Variants in STAT1 observed in about 807,000 individuals in gnomAD.
The protein encoded by STAT1 is signal transducer and activator of transcription 1, also known as signal transducer and activator of transcription 1-alpha/beta.
STAT1 carries 24 observed loss-of-function variants against 111.7 expected under a neutral mutation model. The observed-to-expected ratio is 0.21, with a 90% CI of 0.16 to 0.30. The LOEUF (loss-of-function observed/expected upper bound fraction) is 0.30. STAT1 is among the 10% of genes least tolerant of loss of function. The pLI, the probability that STAT1 is intolerant of heterozygous loss-of-function variation, is 1.00. For missense variants in STAT1, 351 were observed against 911.9 expected (o/e 0.38, Z 7.92); for synonymous variants, 332 against 326.5 (o/e 1.02, Z -0.18).
In STAT1 at chr2:190,997,236, C is replaced by T. The variant is rs867228808; in HGVS notation, c.785+620G>A. On this transcript the variant is annotated intron_variant, in intron 9 of 24. Coordinates refer to ENST00000361099, the MANE Select transcript of STAT1 (RefSeq NM_007315.4). This position sits in a 1 kb window ranked among gnomAD's most constrained non-coding sequence, Gnocchi z 7.3. ...AATCCTAGTGACTTTTGAGTCAGCA[C>T]AAGGCCACTTCCTCTATGAAACCTT... 6.6e-6 allele frequency among the ~76,000 whole-genome samples: 1 copy of T among 152,372 alleles called. No individual in the cohort carries two copies. Among genetic ancestry groups the T allele is most frequent in the Middle Eastern group, 3.4e-3 (1 of 294 alleles).
chr2:190,974,387 G>A lies in STAT1; in HGVS notation c.2238+443C>T, dbSNP rs1356471516. 6.6e-6 allele frequency among the ~76,000 whole-genome samples: 1 copy of A among 152,186 alleles called. No individual in the cohort carries two copies. The highest frequency in any genetic ancestry group is 2.4e-5 in the African/African-American group (1 of 41,434). On this transcript the variant is annotated intron_variant, in intron 24 of 24. Transcript: ENST00000361099. The surrounding 1 kb of genome is among the most constrained non-coding windows in gnomAD (Gnocchi z 4.8). ...ATAAGGCAGATGAAGTAATCTCATT[G>A]CTGCTAAAGTATAATTCTCTCTAAT...
At chr2:191,009,259 T>C (rs1694945644) in intron 3 of STAT1, 152 bp from the exon 4 acceptor site, 3 of 1,007,094 alleles carry the variant, frequency 3.0e-6, no homozygotes. Context: ...ACATTGCTTT[T>C]AGCAGCAGTT....
rs1694022041 is a variant in STAT1, at chr2:190,998,614, A to C, written c.542-306T>G. ...GAGGCGGAGCTTGGAGTGAGCCGAGATCTCGCCACTGCACTCTAGCCTGGG... is the reference window on the plus strand; with the variant it reads ...GAGGCGGAGCTTGGAGTGAGCCGAGCTCTCGCCACTGCACTCTAGCCTGGG... On this transcript the variant is annotated intron_variant, in intron 7 of 24. Transcript: ENST00000361099. The surrounding 1 kb of genome is among the most constrained non-coding windows in gnomAD (Gnocchi z 4.1). 6.6e-6 allele frequency among the ~76,000 whole-genome samples: 1 copy of C among 151,604 alleles called. No individual in the cohort carries two copies.
At chr2:191,009,569 C>T (rs986661264) in intron 3 of STAT1, among the ~76,000 whole-genome samples, 1 of 152,100 alleles carries the variant, frequency 6.6e-6, no homozygotes, top group Admixed American at 6.5e-5. Context: ...TAGTCTGGAT[C>T]CTAAGTTGGA....
At position 191,007,664 on chromosome 2, in the gene STAT1, A is replaced by G. The variant is rs777002134; in HGVS notation, c.274-3T>C. Reference sequence around the variant, plus strand: ...ATTGGGTCTTCCTGAAAATTATCCTAGATTTGAGTGGTTAGAACAAAAATA... The same window carrying G: ...ATTGGGTCTTCCTGAAAATTATCCTGGATTTGAGTGGTTAGAACAAAAATA... On this transcript the variant is annotated splice_region_variant and splice_polypyrimidine_tract_variant and intron_variant, in intron 4 of 24. Coordinates refer to ENST00000361099, the MANE Select transcript of STAT1 (RefSeq NM_007315.4). This position sits in a 1 kb window ranked among gnomAD's most constrained non-coding sequence, Gnocchi z 4.2. The G allele has an allele frequency of 1.9e-6, 3 of 1,598,778 alleles. No individual in the cohort carries two copies. The highest frequency in any genetic ancestry group is 2.6e-6 in the Non-Finnish European group (3 of 1,166,604).
Position 191,012,122 on chromosome 2 carries a change from C to T in STAT1, c.-2+1403G>A, listed in dbSNP as rs894683983. Among the ~76,000 whole-genome samples, 1 of 151,564 alleles carries T rather than the reference C, an allele frequency of 6.6e-6. No homozygotes were observed. Among genetic ancestry groups the T allele is most frequent in the Non-Finnish European group, 1.5e-5 (1 of 67,902 alleles). ...GGCACAGAAGAGGTGAATTAATAAG[C>T]TCATGTTTGGGCTGGCCAGGTGGCT... On this transcript the variant is annotated intron_variant, in intron 2 of 24. Coordinates refer to ENST00000361099, the MANE Select transcript of STAT1 (RefSeq NM_007315.4). The surrounding 1 kb of genome is among the most constrained non-coding windows in gnomAD (Gnocchi z 4.0).
At position 190,995,307 on chromosome 2, in the gene STAT1, C is replaced by G; in HGVS notation, c.786-88G>C. The G allele has an allele frequency of 1.6e-6, 2 of 1,277,960 alleles. No individual in the cohort carries two copies. Among genetic ancestry groups the G allele is most frequent in the Non-Finnish European group, 2.3e-6 (2 of 881,054 alleles). 79.2% of individuals were successfully genotyped at this position (1,277,960 alleles called of 1,614,324 possible). A position where few individuals can be genotyped will look rare whatever the true frequency, so the allele number is the denominator to read the frequency against. On this transcript the variant is annotated intron_variant, in intron 9 of 24. Transcript: ENST00000361099. The surrounding 1 kb of genome is among the most constrained non-coding windows in gnomAD (Gnocchi z 4.2). ...GGGAATCATGGTATATTAGTCCATT[C>G]TCATGCTGCTAATAAAGACATACTC...
chr2:190,976,847 T>C lies in STAT1; in HGVS notation c.2052A>G (p.Pro684=). Residue 684 remains proline (P), a synonymous_variant, in exon 22 of 25, where the codon CCA becomes CCG. Coordinates refer to ENST00000361099, the MANE Select transcript of STAT1 (RefSeq NM_007315.4). The surrounding 1 kb of genome is among the most constrained non-coding windows in gnomAD (Gnocchi z 6.0). ...CCTGCTTGCCCCACTTACCTTCCTT[T>C]GGCCTGGAGTAATACTTTCCAAAGG... ...DHAFGKYYSR[P]KEAPEPMELD... 6.2e-7 allele frequency: 1 copy of C among 1,614,154 alleles called. No individual in the cohort carries two copies. The highest frequency in any genetic ancestry group is 2.2e-5 in the East Asian group (1 of 44,884).
rs746665506 is a variant in STAT1 at position 190,999,724 on chromosome 2, C to T, written c.463-20G>A. The T allele has an allele frequency of 3.8e-6, 6 of 1,582,800 alleles. No homozygotes were observed. Among genetic ancestry groups the T allele is most frequent in the African/African-American group, 1.3e-5 (1 of 74,236 alleles). ...TATACACTACAAACAAAGATGTAAA[C>T]ATGTTTTCTACTGATCAGCAACTTC... On this transcript the variant is annotated intron_variant, in intron 6 of 24. Coordinates refer to ENST00000361099, the MANE Select transcript of STAT1 (RefSeq NM_007315.4). This position sits in a 1 kb window ranked among gnomAD's most constrained non-coding sequence, Gnocchi z 4.1.
chr2:190,998,443 T>C lies in STAT1; in HGVS notation c.542-135A>G. The C allele has an allele frequency of 4.1e-6, 3 of 734,142 alleles. No homozygotes were observed. In the South Asian group the frequency reaches 4.5e-5, roughly 11 times the overall value. The allele number at this position is 734,142 out of a possible 1,614,324, so 45.5% of individuals were successfully genotyped here. The stretch of plus-strand genomic sequence containing the variant: ...TCAAAGTTTGGCTTTCTTCGATCTT[T>C]AATGAACATGAAAAAAAGTCCTAAG... On this transcript the variant is annotated intron_variant, in intron 7 of 24. Coordinates refer to ENST00000361099, the MANE Select transcript of STAT1 (RefSeq NM_007315.4). The surrounding 1 kb of genome is among the most constrained non-coding windows in gnomAD (Gnocchi z 4.1).
chr2:190,979,949 G>A lies in STAT1; in HGVS notation c.1633-83C>T, dbSNP rs1692233489. The stretch of plus-strand genomic sequence containing the variant: ...GGCCCCTCCCACCATCATTTGCAAA[G>A]ACTCCCCAGGTGCCAAGGATGGAAC... On this transcript the variant is annotated intron_variant, in intron 19 of 24. Coordinates refer to ENST00000361099, the MANE Select transcript of STAT1 (RefSeq NM_007315.4). The surrounding 1 kb of genome is among the most constrained non-coding windows in gnomAD (Gnocchi z 5.8). The A allele has an allele frequency of 1.1e-6, 1 of 902,044 alleles. No homozygotes were observed. Among genetic ancestry groups the A allele is most frequent in the African/African-American group, 1.6e-5 (1 of 60,910 alleles). The allele number at this position is 902,044 out of a possible 1,614,324, so 55.9% of individuals were successfully genotyped here.
Position 190,975,584 on chromosome 2 carries a change from TTGGG to T in STAT1, c.2135+224_2135+227del. ...TATACTTTTTCAAAGGGTATCAGTT[TTGGG>T]AAAATTTATATACCTTAAATACAAA... On this transcript the variant is annotated intron_variant, in intron 23 of 24. Transcript: ENST00000361099. This position sits in a 1 kb window ranked among gnomAD's most constrained non-coding sequence, Gnocchi z 5.9. 1 of 1,416,796 alleles carries T rather than the reference TTGGG, an allele frequency of 7.1e-7. No individual in the cohort carries two copies. The highest frequency in any genetic ancestry group is 9.2e-7 in the Non-Finnish European group (1 of 1,083,458). The allele number at this position is 1,416,796 out of a possible 1,614,324, so 87.8% of individuals were successfully genotyped here.
Position 191,007,726 on chromosome 2 carries a change from T to C in STAT1, c.274-65A>G, listed in dbSNP as rs906301171. The C allele has an allele frequency of 5.9e-6, 7 of 1,179,340 alleles. No individual in the cohort carries two copies. In the African/African-American group the frequency reaches 1.1e-4, roughly 18 times the overall value. 73.1% of individuals were successfully genotyped at this position (1,179,340 alleles called of 1,614,324 possible). ...AGAATGTTTACTTTATTGTGTATTG[T>C]AAGTTGATATGAATTTGTTTATATT... is the stretch of plus-strand genomic sequence containing the variant. On this transcript the variant is annotated intron_variant, in intron 4 of 24. Coordinates refer to ENST00000361099, the MANE Select transcript of STAT1 (RefSeq NM_007315.4). This position sits in a 1 kb window ranked among gnomAD's most constrained non-coding sequence, Gnocchi z 4.2.
rs1694006102 is a variant in STAT1 at position 190,998,375 on chromosome 2, T to C, written c.542-67A>G. Reference sequence around the variant, plus strand: ...AAACCAACAAAAGCCAAGATTCATATAAATTTAGGATAAATATGACACAAA... The same window carrying C: ...AAACCAACAAAAGCCAAGATTCATACAAATTTAGGATAAATATGACACAAA... On this transcript the variant is annotated intron_variant, in intron 7 of 24. Coordinates refer to ENST00000361099, the MANE Select transcript of STAT1 (RefSeq NM_007315.4). The surrounding 1 kb of genome is among the most constrained non-coding windows in gnomAD (Gnocchi z 4.1). 2.3e-6 allele frequency: 3 copies of C among 1,298,276 alleles called. No individual in the cohort carries two copies. Among genetic ancestry groups the C allele is most frequent in the Non-Finnish European group, 3.3e-6 (3 of 898,108 alleles). The allele number at this position is 1,298,276 out of a possible 1,614,324, so 80.4% of individuals were successfully genotyped here. A position where few individuals can be genotyped will look rare whatever the true frequency, so the allele number is the denominator to read the frequency against.
rs1393465157 is a variant in STAT1, at chr2:190,993,824, T to A, written c.944+1237A>T. Reference sequence around the variant, plus strand: ...AAAAACTTGCAATATGAACCCTTCTTTTCCACTCAGTGACATTTATCTATC... The same window carrying A: ...AAAAACTTGCAATATGAACCCTTCTATTCCACTCAGTGACATTTATCTATC... On this transcript the variant is annotated intron_variant, in intron 10 of 24. Coordinates refer to ENST00000361099, the MANE Select transcript of STAT1 (RefSeq NM_007315.4). The surrounding 1 kb of genome is among the most constrained non-coding windows in gnomAD (Gnocchi z 4.1). Among the ~76,000 whole-genome samples, 1 of 152,152 alleles carries A rather than the reference T, an allele frequency of 6.6e-6. No individual in the cohort carries two copies. Among genetic ancestry groups the A allele is most frequent in the Non-Finnish European group, 1.5e-5 (1 of 68,014 alleles).
rs933159789 is a variant in STAT1 at position 190,978,756 on chromosome 2, C to A, written c.1873+100G>T. 6 of 1,491,564 alleles carry A rather than the reference C, an allele frequency of 4.0e-6. No homozygotes were observed. The highest frequency in any genetic ancestry group is 5.5e-6 in the Non-Finnish European group (6 of 1,095,242). The allele number at this position is 1,491,564 out of a possible 1,614,324, so 92.4% of individuals were successfully genotyped here. A position where few individuals can be genotyped will look rare whatever the true frequency, so the allele number is the denominator to read the frequency against. Reference sequence around the variant, plus strand: ...GGGGTAAGTATAAGATCTGCAATTTCATGTCCCAAACGCACTATCTGTATG... The same window carrying A: ...GGGGTAAGTATAAGATCTGCAATTTAATGTCCCAAACGCACTATCTGTATG... On this transcript the variant is annotated intron_variant, in intron 21 of 24. Transcript: ENST00000361099. This position sits in a 1 kb window ranked among gnomAD's most constrained non-coding sequence, Gnocchi z 6.1.
Position 190,978,058 on chromosome 2 carries a change from A to G in STAT1, c.1873+798T>C, listed in dbSNP as rs549777143. The stretch of plus-strand genomic sequence containing the variant: ...GTATGGCAGAAAAACAAATAGAATA[A>G]GAGTATTCCAGAAAAACAGGAGAAG... On this transcript the variant is annotated intron_variant, in intron 21 of 24. Coordinates refer to ENST00000361099, the MANE Select transcript of STAT1 (RefSeq NM_007315.4). This position sits in a 1 kb window ranked among gnomAD's most constrained non-coding sequence, Gnocchi z 6.1. 6.6e-6 allele frequency among the ~76,000 whole-genome samples: 1 copy of G among 152,328 alleles called. No individual in the cohort carries two copies. The highest frequency in any genetic ancestry group is 1.5e-5 in the Non-Finnish European group (1 of 68,030).
In STAT1 at chr2:191,008,049, T is replaced by C. The variant is rs1036561397; in HGVS notation, c.274-388A>G. On this transcript the variant is annotated intron_variant, in intron 4 of 24. Transcript: ENST00000361099. ...ATGAATGCATCTGTTGGTCTAAGCT[T>C]TGAACTAGACCAAAGATATTCATCT... is the stretch of plus-strand genomic sequence containing the variant. The C allele has an allele frequency of 6.6e-5, 30 of 454,882 alleles. No individual in the cohort carries two copies. The Admixed American group carries it at 7.2e-4, about 11-fold the overall frequency. The allele number at this position is 454,882 out of a possible 1,614,324, so 28.2% of individuals were successfully genotyped here. A position where few individuals can be genotyped will look rare whatever the true frequency, so the allele number is the denominator to read the frequency against.
intron 5 of STAT1, among the ~76,000 whole-genome samples, chr2:191,005,290 C>T (rs1054348358): frequency 5.3e-5 from 8 of 152,158 alleles, no homozygotes; most frequent in African/African-American, 1.7e-4. Context: ...AAGCAAATAC[C>T]AGACATCACA....
Sources: gnomAD v4.1 joint callset for allele counts (sites outside exome capture counted in the v4.1 genomes callset) on GRCh38, gnomAD v4.1.1 for gene constraint, Gnocchi (gnomAD v3.1) non-coding constraint, MANE v1.5 for transcripts, NCBI Gene and HGNC (gene_info 2026-07-23, HGNC 2026-07-21) for gene names.